CPM: variants seen among roughly 807,000 people sequenced by gnomAD.
CPM encodes carboxypeptidase M.
In CPM, 35 loss-of-function variants were observed where a neutral mutation model predicts 46.4. The ratio of observed to expected loss-of-function variants is 0.75; its 90% confidence interval spans 0.58 to 1.00. The LOEUF (loss-of-function observed/expected upper bound fraction) is 1.00, where lower values mean the gene tolerates loss of function less well. Ranked by LOEUF, CPM falls within the 50% of genes least tolerant of loss-of-function variation. CPM has a pLI of 0.00. For missense variants in CPM, 422 were observed against 530.4 expected, an observed-to-expected ratio of 0.80 and a Z score of 2.01; for synonymous variants, 195 against 195.3, an observed-to-expected ratio of 1.00 and a Z score of 0.01.
intron 2 of CPM, among the ~76,000 whole-genome samples, chr12:68,932,383 A>G (rs1366205717): frequency 6.6e-6 from 1 of 152,252 alleles, no homozygotes; most frequent in Admixed American, 6.5e-5. Flanking sequence ...AAAGGAACTA[A>G]AACATACATC....
chr12:68,908,322 C>A (rs913047429), intron 2 of CPM, among the ~76,000 whole-genome samples: 2 of 151,814 alleles, frequency 1.3e-5, no homozygotes, highest in Non-Finnish European at 2.9e-5. Flanking sequence ...GATACAAGGC[C>A]AACCCGGGGC....
At chr12:68,898,812 G>T (rs1019160332) in intron 2 of CPM, among the ~76,000 whole-genome samples, 2 of 152,172 alleles carry the variant, frequency 1.3e-5, no homozygotes, top group African/African-American at 4.8e-5. Context: ...CCCTCTAAAT[G>T]AATCAGTTTC....
chr12:68,872,970 A>C (rs975218041), intron 3 of CPM, among the ~76,000 whole-genome samples: 4 of 152,176 alleles, frequency 2.6e-5, no homozygotes, highest in Non-Finnish European at 5.9e-5. Context: ...ATCCCTCCCC[A>C]GGAGAGAGAG....
chr12:68,944,152 C>A (rs976626356), intron 1 of CPM, among the ~76,000 whole-genome samples: 3 of 152,160 alleles, frequency 2.0e-5, no homozygotes, highest in Non-Finnish European at 2.9e-5. Context: ...CAAACAAATT[C>A]TTTTGTCTCC....
intron 2 of CPM, among the ~76,000 whole-genome samples, chr12:68,926,068 C>A (rs1009606897): frequency 6.0e-4 from 92 of 152,148 alleles, no homozygotes; most frequent in African/African-American, 2.1e-3. Context: ...AGGCATATGC[C>A]ACCATGCGCA....
At chr12:68,869,624 A>C in intron 5 of CPM, 129 bp from the exon 6 acceptor site, 1 of 760,182 alleles carries the variant, frequency 1.3e-6, no homozygotes, top group Non-Finnish European at 2.0e-6. Context: ...GAAATCCTTC[A>C]TCCACCTCCT....
At chr12:68,958,782 C>T (rs1889066299) in intron 1 of CPM, among the ~76,000 whole-genome samples, 1 of 152,136 alleles carries the variant, frequency 6.6e-6, no homozygotes, top group Non-Finnish European at 1.5e-5. Context: ...AAGCCTCTTC[C>T]TTCCTGGCCT....
intron 7 of CPM, 132 bp from the exon 8 acceptor site, chr12:68,859,203 G>T (rs1045820823): frequency 4.2e-6 from 2 of 476,084 alleles, no homozygotes; most frequent in East Asian, 7.6e-5. Context: ...TTAAGTGTTA[G>T]AGAGGGAAAA....
rs537169192 is a variant in CPM, at chr12:68,931,572, A to G, written c.160+1106T>C. Among the ~76,000 whole-genome samples the G allele has an allele frequency of 2.0e-4, 30 of 151,876 alleles. No homozygotes were observed. In the East Asian group the frequency reaches 5.8e-3, roughly 29 times the overall value. Reference sequence around the variant, plus strand: ...AGCCTGGCCAATATGGTGAAACCCCATCTCTACTAAAAATACAAAAAAATT... The same window carrying G: ...AGCCTGGCCAATATGGTGAAACCCCGTCTCTACTAAAAATACAAAAAAATT... On this transcript the variant is annotated intron_variant, in intron 2 of 8. Transcript: ENST00000551568.
At chr12:68,847,124 T>TTATATATAATATACATATATTACATATA (rs1884348409), downstream of CPM, 3 of 137,990 alleles carry the variant, frequency 2.2e-5, 1 homozygote, top group African/African-American at 8.4e-5. Flanking sequence ...AATATATATA[T>TTATATATAATATACATATATTACATATA]TATATATAAT....
intron 1 of CPM, among the ~76,000 whole-genome samples, chr12:68,961,263 A>T (rs746493600): frequency 6.6e-6 from 1 of 152,118 alleles, no homozygotes; most frequent in Non-Finnish European, 1.5e-5. Flanking sequence ...CTCCTGCCTT[A>T]GCCTCCCAAG....
chr12:68,925,851 T>C (rs1222983787), intron 2 of CPM, among the ~76,000 whole-genome samples: 1 of 152,200 alleles, frequency 6.6e-6, no homozygotes, highest in Non-Finnish European at 1.5e-5. Flanking sequence ...TATATATAAT[T>C]TTAATCTTCT....
chr12:68,948,539 G>C (rs923576325), intron 1 of CPM, among the ~76,000 whole-genome samples: 1 of 152,118 alleles, frequency 6.6e-6, no homozygotes, highest in African/African-American at 2.4e-5. Context: ...GGGGAGGGTA[G>C]GGAGGAGGTC....
intron 2 of CPM, among the ~76,000 whole-genome samples, chr12:68,928,821 C>G (rs1313280053): frequency 6.6e-6 from 1 of 151,684 alleles, no homozygotes; most frequent in Non-Finnish European, 1.5e-5. Flanking sequence ...CCCACTGCAG[C>G]CTTGAACTCC....
At chr12:68,927,984 C>T (rs11177411) in intron 2 of CPM, among the ~76,000 whole-genome samples, 38,277 of 151,802 alleles carry the variant, frequency 0.25, 6,939 homozygotes, top group African/African-American at 0.52. Flanking sequence ...CCCATCAAGC[C>T]ACCAATGACT....
At chr12:68,959,963 A>G (rs1889084986) in intron 1 of CPM, among the ~76,000 whole-genome samples, 1 of 152,248 alleles carries the variant, frequency 6.6e-6, no homozygotes, top group Non-Finnish European at 1.5e-5. Context: ...TACAAATGTA[A>G]AACCAAATGT....
rs558038673 is a variant in CPM, at chr12:68,857,264, G to A, written c.1090-585C>T. Reference sequence around the variant, plus strand: ...CAACCTCCGCCTCCCGGGTTCAAGCGATTCTCCTACCTCAGCCTCCCAAGT... The same window carrying A: ...CAACCTCCGCCTCCCGGGTTCAAGCAATTCTCCTACCTCAGCCTCCCAAGT... On this transcript the variant is annotated intron_variant, in intron 8 of 8. Coordinates refer to ENST00000551568, the MANE Select transcript of CPM (RefSeq NM_198320.5). 1.1e-4 allele frequency among the ~76,000 whole-genome samples: 16 copies of A among 151,504 alleles called. No individual in the cohort carries two copies. In the East Asian group the frequency reaches 2.1e-3, roughly 20 times the overall value.
intron 2 of CPM, among the ~76,000 whole-genome samples, chr12:68,918,611 C>CCAA (rs1383390757): frequency 1.3e-5 from 2 of 151,782 alleles, no homozygotes; most frequent in African/African-American, 4.9e-5. Flanking sequence ...CCAATCCAAT[C>CCAA]TAATCCAATC....
intron 2 of CPM, among the ~76,000 whole-genome samples, chr12:68,901,953 A>T (rs1050947259): frequency 6.6e-6 from 1 of 152,116 alleles, no homozygotes; most frequent in Non-Finnish European, 1.5e-5. Flanking sequence ...CCTCTGTGTC[A>T]CCCAGCCTGG....
Sources: allele counts gnomAD v4.1 joint callset (sites outside exome capture counted in the v4.1 genomes callset), GRCh38; gene constraint gnomAD v4.1.1; transcripts MANE v1.5; gene names NCBI Gene and HGNC (gene_info 2026-07-23, HGNC 2026-07-21).